SLC9A8: variants seen among roughly 807,000 people sequenced by gnomAD.
The protein encoded by SLC9A8 is solute carrier family 9 member A8, also known as sodium/hydrogen exchanger 8.
Under a neutral mutation model 66.6 loss-of-function variants are expected in SLC9A8, and 48 were observed. The ratio of observed to expected loss-of-function variants is 0.72; its 90% CI spans 0.57 to 0.92. The LOEUF is 0.92. Ranked by LOEUF, SLC9A8 falls within the 40% of genes least tolerant of loss-of-function variation. The pLI is 0.00. For synonymous variants in SLC9A8, 274 were observed against 282.6 expected (o/e 0.97, Z 0.31); for missense variants, 599 against 747.3 (o/e 0.80, Z 2.31).
At position 49,834,218 on chromosome 20, in the gene SLC9A8, C is replaced by CAA. The variant is rs1398727300; in HGVS notation, c.290-5322_290-5321insAA. ...ATATATATATATATATATATATACA[C>CAA]ACACACACTATGTATATACACACAC... On this transcript the variant is annotated intron_variant, in intron 3 of 15. Coordinates refer to ENST00000361573, the MANE Select transcript of SLC9A8 (RefSeq NM_015266.3). Among the ~76,000 whole-genome samples the CAA allele has an allele frequency of 5.4e-3, 731 of 136,234 alleles. 10 individuals carry two copies. Among genetic ancestry groups the CAA allele is most frequent in the Non-Finnish European group, 8.7e-3 (552 of 63,362 alleles). The allele number at this position is 136,234 out of a possible 152,430, so 89.4% of individuals were successfully genotyped here. A position where few individuals can be genotyped will look rare whatever the true frequency, so the allele number is the denominator to read the frequency against.
Position 49,815,188 on chromosome 20 carries a change from A to T in SLC9A8, c.207A>T (p.Leu69=). 1 of 1,545,606 alleles carries T rather than the reference A, an allele frequency of 6.5e-7. No individual in the cohort carries two copies. The highest frequency in any genetic ancestry group is 8.7e-7 in the Non-Finnish European group (1 of 1,143,026). ...CCATTTTCTTCAGCCTCCTTGTCCT[A>T]GGTGAATATGGACACTGTCATCCCC... ...GMTIFFSLLV[L]AICIILVHLL... is the part of the protein sequence containing the mutation. Residue 69 remains leucine, a splice_region_variant and synonymous_variant, in exon 2 of 16, where the codon CTA becomes CTT. Coordinates refer to ENST00000361573, the MANE Select transcript of SLC9A8 (RefSeq NM_015266.3).
intron 3 of SLC9A8, among the ~76,000 whole-genome samples, chr20:49,834,386 G>GTATA (rs1305272959): frequency 8.1e-5 from 3 of 37,224 alleles, no homozygotes; most frequent in African/African-American, 1.9e-4. Flanking sequence ...TATATATACT[G>GTATA]TGTATATATA....
intron 3 of SLC9A8, among the ~76,000 whole-genome samples, chr20:49,827,128 G>A (rs2086941877): frequency 6.6e-6 from 1 of 151,458 alleles, no homozygotes; most frequent in Admixed American, 6.6e-5. Flanking sequence ...TTTTAGTGGA[G>A]ACAGGGTTTC....
At chr20:49,871,189 C>T (rs1438683001) in intron 10 of SLC9A8, among the ~76,000 whole-genome samples, 1 of 152,164 alleles carries the variant, frequency 6.6e-6, no homozygotes, top group Non-Finnish European at 1.5e-5. Flanking sequence ...ATTAACACAG[C>T]GTACTCATTA....
intron 5 of SLC9A8, among the ~76,000 whole-genome samples, chr20:49,848,546 G>A (rs2088108255): frequency 1.3e-5 from 2 of 152,142 alleles, no homozygotes; most frequent in African/African-American, 2.4e-5. Flanking sequence ...AACCACAATC[G>A]GGGGTGATCA....
At chr20:49,862,782 T>TG (rs2088799549) in intron 8 of SLC9A8, 147 bp from the exon 9 acceptor site, 1 of 719,904 alleles carries the variant, frequency 1.4e-6, no homozygotes, top group African/African-American at 1.8e-5. Flanking sequence ...ACAAAGTAGG[T>TG]GAACAATAAA....
rs1304600449 is a variant in SLC9A8, at chr20:49,864,838, C to T, written c.952C>T (p.Leu318Phe). Residue 318 changes from leucine to phenylalanine, a missense_variant, in exon 10 of 16, where the codon CTC (leucine) becomes TTC (phenylalanine). Leu to Phe is a conservative substitution (Grantham distance 22). Transcript: ENST00000361573. ...TTATGGGCTTGCAGAAGGAATCTCA[C>T]TCTCAGGTAAGTGACAGAGAGCCTG... ...LPYGLAEGIS[L>F]SGIMAILFSG... is the part of the protein sequence containing the mutation. The T allele has an allele frequency of 1.2e-6, 2 of 1,602,356 alleles. No homozygotes were observed. The highest frequency in any genetic ancestry group is 2.7e-5 in the African/African-American group (2 of 74,712).
intron 3 of SLC9A8, among the ~76,000 whole-genome samples, chr20:49,837,516 A>G (rs2087584514): frequency 6.6e-6 from 1 of 151,954 alleles, no homozygotes; most frequent in African/African-American, 2.4e-5. Context: ...CCATTTGTAT[A>G]TCTTCTTTTC....
intron 3 of SLC9A8, 94 bp from the exon 4 acceptor site, chr20:49,839,447 T>C: frequency 1.3e-6 from 1 of 757,122 alleles, no homozygotes; most frequent in Non-Finnish European, 2.2e-6. Context: ...TGGGCACATG[T>C]CGTCAGGACC....
intron 10 of SLC9A8, among the ~76,000 whole-genome samples, chr20:49,865,380 G>A (rs2088918862): frequency 6.6e-6 from 1 of 152,140 alleles, no homozygotes; most frequent in African/African-American, 2.4e-5. Flanking sequence ...CGTAATGTTG[G>A]GCGTTTATTG....
At chr20:49,850,961 G>T in intron 7 of SLC9A8, 117 bp downstream of exon 7, 1 of 659,552 alleles carries the variant, frequency 1.5e-6, no homozygotes, top group Admixed American at 3.1e-5. Context: ...TTTATTTTTG[G>T]TAAGGATTTC....
intron 3 of SLC9A8, chr20:49,830,153 A>G (rs1026037202): frequency 1.3e-6 from 1 of 753,652 alleles, no homozygotes; most frequent in African/African-American, 1.7e-5. Context: ...AGTTGAAAAT[A>G]TGTGAAGAGG....
At chr20:49,854,517 C>G (rs2088386774) in intron 7 of SLC9A8, among the ~76,000 whole-genome samples, 1 of 151,652 alleles carries the variant, frequency 6.6e-6, no homozygotes, top group African/African-American at 2.4e-5. Flanking sequence ...CACCCACACC[C>G]CCACCCCACC....
chr20:49,864,194 G>A (rs971954421), intron 9 of SLC9A8, among the ~76,000 whole-genome samples: 1 of 152,238 alleles, frequency 6.6e-6, no homozygotes, highest in Non-Finnish European at 1.5e-5. Context: ...AGGGGCATGA[G>A]TTTGGAAATC....
chr20:49,848,054 T>C (rs2088084793), intron 5 of SLC9A8, among the ~76,000 whole-genome samples: 1 of 151,660 alleles, frequency 6.6e-6, no homozygotes, highest in Non-Finnish European at 1.5e-5. Flanking sequence ...GCCTCCCGAG[T>C]AGCTGGGATT....
intron 8 of SLC9A8, among the ~76,000 whole-genome samples, chr20:49,860,148 A>G (rs2088674320): frequency 6.6e-6 from 1 of 152,178 alleles, no homozygotes; most frequent in South Asian, 2.1e-4. Context: ...ATGGGTGATC[A>G]TGGCCTTCAA....
intron 3 of SLC9A8, among the ~76,000 whole-genome samples, chr20:49,832,335 G>C (rs1302198572): frequency 6.6e-6 from 1 of 152,142 alleles, no homozygotes; most frequent in Non-Finnish European, 1.5e-5. Context: ...TGTCGGGGGT[G>C]AAAAGAACTG....
At chr20:49,852,542 T>C (rs1260544845) in intron 7 of SLC9A8, among the ~76,000 whole-genome samples, 1 of 152,244 alleles carries the variant, frequency 6.6e-6, no homozygotes, top group Non-Finnish European at 1.5e-5. Flanking sequence ...CCTGAATTAT[T>C]TCGCTGCCTT....
chr20:49,854,038 G>A (rs1405817008), intron 7 of SLC9A8, among the ~76,000 whole-genome samples: 3 of 152,202 alleles, frequency 2.0e-5, no homozygotes, highest in Non-Finnish European at 4.4e-5. Context: ...CCCAGGCTTG[G>A]TGAGGGTGGG....
Sources: gnomAD v4.1 joint callset for allele counts (sites outside exome capture counted in the v4.1 genomes callset) on GRCh38, gnomAD v4.1.1 for gene constraint, MANE v1.5 for transcripts, NCBI Gene and HGNC (gene_info 2026-07-23, HGNC 2026-07-21) for gene names.